CTDSP1: variants seen among roughly 807,000 people sequenced by gnomAD.
CTDSP1 encodes CTD small phosphatase 1, also known as carboxy-terminal domain RNA polymerase II polypeptide A small phosphatase 1.
Under a neutral mutation model 32.5 loss-of-function variants are expected in CTDSP1, and 15 were observed. The ratio of observed to expected loss-of-function variants is 0.46; its 90% confidence interval spans 0.31 to 0.71. CTDSP1 has a LOEUF of 0.71. Ranked by LOEUF, CTDSP1 falls within the 30% of genes least tolerant of loss-of-function variation. The pLI is 0.05. For synonymous variants in CTDSP1, 185 were observed against 145.4 expected (o/e 1.27, Z -1.96); for missense variants, 294 against 351.1 (o/e 0.84, Z 1.30).
At chr2:218,401,327 C>T (rs1360496723) in intron 1 of CTDSP1, 7 of 577,234 alleles carry the variant, frequency 1.2e-5, no homozygotes, top group African/African-American at 7.5e-5. Flanking sequence ...CACGCACTCC[C>T]TATGTGGGCG....
At position 218,404,515 on chromosome 2, in the gene CTDSP1, A is replaced by G; in HGVS notation, c.*90A>G. 6.6e-7 allele frequency: 1 copy of G among 1,515,568 alleles called. No homozygotes were observed. Among genetic ancestry groups the G allele is most frequent in the Non-Finnish European group, 9.0e-7 (1 of 1,114,456 alleles). The allele number at this position is 1,515,568 out of a possible 1,614,324, so 93.9% of individuals were successfully genotyped here. On this transcript the variant is annotated 3_prime_UTR_variant, in exon 7 of 7. Coordinates refer to ENST00000273062, the MANE Select transcript of CTDSP1 (RefSeq NM_021198.3). ...GCCCAGGCCTTTGTTAGGAAAACCC[A>G]TGGGCCGCCGCCACACTCAGTGCCA...
At chr2:218,400,214 G>GC in intron 1 of CTDSP1, 57 bp downstream of exon 1, 2 of 1,474,878 alleles carry the variant, frequency 1.4e-6, no homozygotes, top group South Asian at 2.5e-5. Context: ...GAGAGAAGGG[G>GC]CCGGGATCTT....
chr2:218,400,209 A>G (rs1697041842), intron 1 of CTDSP1, 52 bp downstream of exon 1: 16 of 1,491,936 alleles, frequency 1.1e-5, no homozygotes, highest in Non-Finnish European at 1.4e-5. Context: ...GGGAGGAGAG[A>G]AGGGGCCGGG....
intron 1 of CTDSP1, 57 bp from the exon 2 acceptor site, chr2:218,401,507 G>A (rs542614834): frequency 5.0e-6 from 8 of 1,597,772 alleles, no homozygotes; most frequent in Non-Finnish European, 6.8e-6. Flanking sequence ...GGGCACACAT[G>A]CAGGATTCTG....
rs1697329556 is a variant in CTDSP1 at position 218,404,691 on chromosome 2, C to T, written c.*266C>T. On this transcript the variant is annotated 3_prime_UTR_variant, in exon 7 of 7. Coordinates refer to ENST00000273062, the MANE Select transcript of CTDSP1 (RefSeq NM_021198.3). ...CCTGGGGGGCCCTGCCTGCTGCTCC[C>T]TTTTTCTGTCTCTGTCCATGCTGCC... 6.9e-6 allele frequency: 3 copies of T among 432,324 alleles called. No homozygotes were observed. The highest frequency in any genetic ancestry group is 1.2e-5 in the Non-Finnish European group (3 of 241,400). 26.8% of individuals were successfully genotyped at this position (432,324 alleles called of 1,614,324 possible).
In CTDSP1 at chr2:218,401,495, C is replaced by T. The variant is rs77390092; in HGVS notation, c.68-69C>T. ...ATCCTCCTGGCTCAGGGGTTCACAC[C>T]TGGGCACACATGCAGGATTCTGCAG... On this transcript the variant is annotated intron_variant, in intron 1 of 6. Transcript: ENST00000273062. The T allele has an allele frequency of 4.5e-4, 704 of 1,576,462 alleles. 3 individuals carry two copies. In the African/African-American group the frequency reaches 8.7e-3, roughly 19 times the overall value.
upstream of CTDSP1, among the ~76,000 whole-genome samples, chr2:218,397,456 G>T (rs1809231): frequency 2.6e-5 from 4 of 151,908 alleles, no homozygotes; most frequent in Non-Finnish European, 5.9e-5. Flanking sequence ...CCCCGACTTT[G>T]TGCACGGCTC....
chr2:218,404,605 G>A lies in CTDSP1; in HGVS notation c.*180G>A, dbSNP rs999378234. ...GTGTAGGGGCAGCAGGCTGCACTGA[G>A]GACCGTGAGCTCCAGGCCCCGTGTC... On this transcript the variant is annotated 3_prime_UTR_variant, in exon 7 of 7. Coordinates refer to ENST00000273062, the MANE Select transcript of CTDSP1 (RefSeq NM_021198.3). 13 of 684,686 alleles carry A rather than the reference G, an allele frequency of 1.9e-5. No homozygotes were observed. The South Asian group carries it at 2.7e-4, about 14-fold the overall frequency. 42.4% of individuals were successfully genotyped at this position (684,686 alleles called of 1,614,324 possible).
intron 1 of CTDSP1, 190 bp downstream of exon 1, chr2:218,400,347 C>G (rs781231169): frequency 1.4e-6 from 1 of 704,078 alleles, no homozygotes; most frequent in Non-Finnish European, 2.5e-6. Flanking sequence ...GGGGCGGGGC[C>G]TGGCGCCTTT....
At chr2:218,399,743 C>T (rs1180615586), upstream of CTDSP1, 5 of 1,017,974 alleles carry the variant, frequency 4.9e-6, no homozygotes, top group East Asian at 8.6e-5. Flanking sequence ...CGGCCCGGCC[C>T]GCCTCCCAGT....
chr2:218,401,499 G>A, intron 1 of CTDSP1, 65 bp from the exon 2 acceptor site: 3 of 1,582,716 alleles, frequency 1.9e-6, no homozygotes, highest in Non-Finnish European at 2.6e-6. Flanking sequence ...TCACACCTGG[G>A]CACACATGCA....
chr2:218,403,190 A>G (rs2227258), intron 5 of CTDSP1, 42 bp from the exon 6 acceptor site: 959,080 of 1,611,832 alleles, frequency 0.6, 287,660 homozygotes, highest in East Asian at 0.68. Context: ...ATGCAGCCCA[A>G]TGAACCTGCG....
chr2:218,397,708 G>C (rs1160365470), upstream of CTDSP1, among the ~76,000 whole-genome samples: 11 of 152,150 alleles, frequency 7.2e-5, no homozygotes, highest in African/African-American at 2.7e-4. Context: ...GAGACAGAGG[G>C]CAGCTGGGTG....
upstream of CTDSP1, among the ~76,000 whole-genome samples, chr2:218,397,155 A>G (rs1260085125): frequency 2.0e-5 from 3 of 152,158 alleles, no homozygotes; most frequent in East Asian, 3.9e-4. Context: ...GGGGGACGGC[A>G]GAGTAATGGG....
Position 218,399,895 on chromosome 2 carries a change from A to G in CTDSP1, c.-196A>G, listed in dbSNP as rs1001879944. 15 of 1,263,098 alleles carry G rather than the reference A, an allele frequency of 1.2e-5. No homozygotes were observed. Among genetic ancestry groups the G allele is most frequent in the African/African-American group, 3.1e-5 (2 of 63,756 alleles). 78.2% of individuals were successfully genotyped at this position (1,263,098 alleles called of 1,614,324 possible). ...ATCCGCCTCGCGGGAAGGAAACTCC[A>G]TGTTGTAACAAAGTTTCCTCCGCGC... On this transcript the variant is annotated 5_prime_UTR_variant, in exon 1 of 7. An upstream start codon of the reference 5' UTR is lost. Transcript: ENST00000273062.
upstream of CTDSP1, chr2:218,398,566 T>G: frequency 1.1e-6 from 1 of 875,248 alleles, no homozygotes. Context: ...GCCGCTCCCC[T>G]CCCTTCCCCT....
At chr2:218,398,805 G>A (rs561553453), upstream of CTDSP1, 6 of 192,288 alleles carry the variant, frequency 3.1e-5, no homozygotes, top group East Asian at 6.2e-4. Flanking sequence ...CGAGTGAAAA[G>A]AACTTCATAA....
intron 4 of CTDSP1, 115 bp downstream of exon 4, chr2:218,402,520 C>T (rs1385217565): frequency 4.6e-6 from 5 of 1,088,092 alleles, no homozygotes; most frequent in African/African-American, 1.5e-5. Flanking sequence ...ATGTCAGAGG[C>T]CCAGAGAGGG....
chr2:218,398,144 G>A, upstream of CTDSP1: 3 of 512,912 alleles, frequency 5.8e-6, no homozygotes, highest in South Asian at 6.5e-5. Context: ...GGGGTCATGA[G>A]GGCCCCGCAT....
Sources: allele counts gnomAD v4.1 joint callset (sites outside exome capture counted in the v4.1 genomes callset), GRCh38; gene constraint gnomAD v4.1.1; transcripts MANE v1.5; gene names NCBI Gene and HGNC (gene_info 2026-07-23, HGNC 2026-07-21).